The following CDH20 variants were observed in gnomAD, a reference collection of about 807,000 sequenced individuals.
The protein encoded by CDH20 is cadherin-20.
A neutral mutation model predicts 74.2 loss-of-function variants in CDH20; 29 were observed. The ratio of observed to expected loss-of-function variants is 0.39; its 90% CI spans 0.29 to 0.53. The LOEUF (loss-of-function observed/expected upper bound fraction) is 0.53. CDH20 is among the 20% of genes least tolerant of loss of function. The probability of loss-of-function intolerance (pLI) is 0.69; values close to 1 mark genes in which losing one functional copy is unlikely to be tolerated. For missense variants in CDH20, 988 were observed against 1,048.3 expected (o/e 0.94, Z 0.79); for synonymous variants, 469 against 405.4 (o/e 1.16, Z -1.88).
At position 61,446,336 on chromosome 18, in the gene CDH20, A is replaced by T. The variant is rs190055690; in HGVS notation, c.-152-44066A>T. Among the ~76,000 whole-genome samples the T allele has an allele frequency of 6.6e-5, 10 of 152,192 alleles. No homozygotes were observed. The East Asian group carries it at 1.5e-3, about 24-fold the overall frequency. On this transcript the variant is annotated intron_variant, in intron 1 of 11. Coordinates refer to ENST00000262717, the MANE Select transcript of CDH20 (RefSeq NM_031891.4). ...CATCACTGAAGGGACCATCAAACAC[A>T]AGATTTTCACTCTGGAGCTCTCCTT...
intron 11 of CDH20, among the ~76,000 whole-genome samples, chr18:61,550,812 G>A (rs2080272498): frequency 6.6e-6 from 1 of 152,220 alleles, no homozygotes; most frequent in Non-Finnish European, 1.5e-5. Context: ...ATCCTGGTTG[G>A]AAAAGTGACA....
chr18:61,421,355 A>T (rs1338601642), intron 1 of CDH20, among the ~76,000 whole-genome samples: 1 of 152,148 alleles, frequency 6.6e-6, no homozygotes, highest in Non-Finnish European at 1.5e-5. Context: ...AATTCATAAT[A>T]TTCTCTCTTA....
intron 1 of CDH20, among the ~76,000 whole-genome samples, chr18:61,437,161 G>A (rs1460754344): frequency 6.6e-6 from 1 of 152,198 alleles, no homozygotes; most frequent in South Asian, 2.1e-4. Flanking sequence ...GTGCGGCAAG[G>A]GCAAACATTC....
intron 1 of CDH20, among the ~76,000 whole-genome samples, chr18:61,468,862 A>G (rs1438374163): frequency 2.0e-5 from 3 of 152,220 alleles, no homozygotes. Context: ...TGCCAGTAAA[A>G]GACTGGCAAA....
chr18:61,505,242 G>C (rs1258089106), intron 5 of CDH20, among the ~76,000 whole-genome samples: 1 of 152,010 alleles, frequency 6.6e-6, no homozygotes, highest in South Asian at 2.1e-4. Flanking sequence ...ACATATTGCC[G>C]GGAGTCATGT....
intron 1 of CDH20, among the ~76,000 whole-genome samples, chr18:61,488,709 CTTTTTTT>C: frequency 4.6e-4 from 2 of 4,368 alleles, no homozygotes; most frequent in East Asian, 0.015. Context: ...CTGGCAGTGG[CTTTTTTT>C]TTGTTTGTTT....
intron 1 of CDH20, among the ~76,000 whole-genome samples, chr18:61,422,414 T>A (rs932887305): frequency 2.0e-5 from 3 of 152,116 alleles, no homozygotes; most frequent in South Asian, 2.1e-4. Context: ...TGGGAAAAAA[T>A]AATGTTGCTA....
At chr18:61,502,008 G>A (rs1239051449) in intron 4 of CDH20, among the ~76,000 whole-genome samples, 1 of 152,150 alleles carries the variant, frequency 6.6e-6, no homozygotes, top group Non-Finnish European at 1.5e-5. Context: ...ATACTACAAT[G>A]CAATATATAC....
At chr18:61,398,307 A>T (rs1568124635) in intron 1 of CDH20, among the ~76,000 whole-genome samples, 1 of 152,180 alleles carries the variant, frequency 6.6e-6, no homozygotes, top group East Asian at 1.9e-4. Context: ...TCATCCTATA[A>T]AAACTATGTA....
chr18:61,455,292 A>G (rs777228081), intron 1 of CDH20, among the ~76,000 whole-genome samples: 3 of 152,224 alleles, frequency 2.0e-5, no homozygotes, highest in Non-Finnish European at 4.4e-5. Context: ...GTAAACAGAT[A>G]TTAGTGAGAA....
chr18:61,377,008 G>A (rs1376465624), intron 1 of CDH20, among the ~76,000 whole-genome samples: 1 of 152,132 alleles, frequency 6.6e-6, no homozygotes, highest in Admixed American at 6.6e-5. Context: ...GAAAAGTAGA[G>A]AATAATTTAT....
At chr18:61,361,825 TA>T (rs1445524085) in intron 1 of CDH20, among the ~76,000 whole-genome samples, 1 of 152,120 alleles carries the variant, frequency 6.6e-6, no homozygotes, top group Non-Finnish European at 1.5e-5. Flanking sequence ...GATTAGAAAA[TA>T]AAACCAGCCG....
At chr18:61,469,794 CA>C (rs1910099044) in intron 1 of CDH20, among the ~76,000 whole-genome samples, 1 of 152,114 alleles carries the variant, frequency 6.6e-6, no homozygotes, top group Non-Finnish European at 1.5e-5. Flanking sequence ...ATGAAATTAA[CA>C]AAAAATGTTA....
chr18:61,338,236 T>TA (rs1220351772), intron 1 of CDH20, among the ~76,000 whole-genome samples: 1 of 152,140 alleles, frequency 6.6e-6, no homozygotes, highest in Non-Finnish European at 1.5e-5. Flanking sequence ...CTACAGCAAT[T>TA]AAAAATAGAA....
At chr18:61,439,237 T>C (rs532672613) in intron 1 of CDH20, among the ~76,000 whole-genome samples, 2 of 152,264 alleles carry the variant, frequency 1.3e-5, no homozygotes, top group East Asian at 1.9e-4. Flanking sequence ...CATGCATGTA[T>C]ACCCTAATCT....
intron 1 of CDH20, among the ~76,000 whole-genome samples, chr18:61,424,910 A>G (rs994663047): frequency 6.6e-6 from 1 of 152,162 alleles, no homozygotes; most frequent in Non-Finnish European, 1.5e-5. Flanking sequence ...TTAACTAGAG[A>G]GAAAACAAAT....
intron 1 of CDH20, among the ~76,000 whole-genome samples, chr18:61,371,847 A>T (rs187087096): frequency 1.4e-3 from 210 of 152,220 alleles, no homozygotes; most frequent in Admixed American, 2.4e-3. Context: ...AGCATCTCTT[A>T]TAGATGACTC....
chr18:61,412,447 T>G (rs1912545399), intron 1 of CDH20, among the ~76,000 whole-genome samples: 1 of 152,182 alleles, frequency 6.6e-6, no homozygotes, highest in South Asian at 2.1e-4. Context: ...GCCACATATC[T>G]TGTTACTCTT....
chr18:61,334,347 C>A (rs1039224442), intron 1 of CDH20: 1 of 152,208 alleles, frequency 6.6e-6, no homozygotes, highest in African/African-American at 2.4e-5. Flanking sequence ...ATCCCTGGTC[C>A]GTGCCTCGCG....
Sources: gnomAD v4.1 joint callset for allele counts (sites outside exome capture counted in the v4.1 genomes callset) on GRCh38, gnomAD v4.1.1 for gene constraint, MANE v1.5 for transcripts, NCBI Gene and HGNC (gene_info 2026-07-23, HGNC 2026-07-21) for gene names.